The following CCSER1 variants were observed in gnomAD, a reference collection of about 807,000 sequenced individuals.
CCSER1 encodes the protein coiled-coil serine rich protein 1, also known as serine-rich coiled-coil domain-containing protein 1.
Under a neutral mutation model 82.0 loss-of-function variants are expected in CCSER1, and 41 were observed. The ratio of observed to expected loss-of-function variants is 0.50; its 90% CI spans 0.39 to 0.65. The LOEUF (loss-of-function observed/expected upper bound fraction) is 0.65, where lower values mean the gene tolerates loss of function less well. CCSER1 is among the 30% of genes least tolerant of loss of function. The pLI, the probability that CCSER1 is intolerant of heterozygous loss-of-function variation, is 0.00. For synonymous variants in CCSER1, 414 were observed against 383.9 expected (o/e 1.08, Z -0.92); for missense variants, 1,119 against 1,064.2 (o/e 1.05, Z -0.72).
At chr4:90,887,114 G>T (rs183290518) in intron 8 of CCSER1, among the ~76,000 whole-genome samples, 1 of 152,060 alleles carries the variant, frequency 6.6e-6, no homozygotes, top group Non-Finnish European at 1.5e-5. Flanking sequence ...TTAGGCATCA[G>T]GTTTCTGGTT....
At chr4:90,781,800 C>G (rs1484195512) in intron 7 of CCSER1, 3 of 959,818 alleles carry the variant, frequency 3.1e-6, no homozygotes, top group Non-Finnish European at 3.7e-6. Context: ...TTTTTGATAA[C>G]TTTTATGTTT....
intron 9 of CCSER1, among the ~76,000 whole-genome samples, chr4:90,976,598 A>C (rs1371295654): frequency 6.6e-6 from 1 of 151,450 alleles, no homozygotes; most frequent in Non-Finnish European, 1.5e-5. Flanking sequence ...GATTAAAATG[A>C]TAATTGTAAC....
At chr4:90,965,311 T>A (rs1279255667) in intron 9 of CCSER1, among the ~76,000 whole-genome samples, 1 of 152,042 alleles carries the variant, frequency 6.6e-6, no homozygotes, top group Non-Finnish European at 1.5e-5. Flanking sequence ...CTCTGGAACC[T>A]AGAAAGCCAC....
chr4:90,808,306 G>A (rs1168502503), intron 7 of CCSER1, among the ~76,000 whole-genome samples: 1 of 151,956 alleles, frequency 6.6e-6, no homozygotes, highest in Non-Finnish European at 1.5e-5. Context: ...AAACCTAAGA[G>A]AAACGATTCT....
At chr4:90,293,812 C>T (rs1233752230) in intron 1 of CCSER1, among the ~76,000 whole-genome samples, 1 of 151,712 alleles carries the variant, frequency 6.6e-6, no homozygotes, top group Non-Finnish European at 1.5e-5. Flanking sequence ...TATAAACTGA[C>T]AAACTAGCTT....
At chr4:90,293,801 A>G (rs917137599) in intron 1 of CCSER1, among the ~76,000 whole-genome samples, 1 of 151,924 alleles carries the variant, frequency 6.6e-6, no homozygotes, top group South Asian at 2.1e-4. Flanking sequence ...AATAAGTAAA[A>G]TATAAACTGA....
At chr4:90,962,540 G>A (rs1035504829) in intron 9 of CCSER1, among the ~76,000 whole-genome samples, 2 of 152,044 alleles carry the variant, frequency 1.3e-5, no homozygotes, top group Non-Finnish European at 2.9e-5. Context: ...CTGTAAACTT[G>A]CTTCTCAGAA....
chr4:90,621,858 G>T (rs542514827), intron 5 of CCSER1, among the ~76,000 whole-genome samples: 1 of 152,316 alleles, frequency 6.6e-6, no homozygotes, highest in Non-Finnish European at 1.5e-5. Context: ...GTCTGTGGCA[G>T]ATCTTCTCCT....
intron 8 of CCSER1, among the ~76,000 whole-genome samples, chr4:90,866,999 T>G (rs886479700): frequency 3.9e-5 from 6 of 152,050 alleles, no homozygotes; most frequent in Admixed American, 2.0e-4. Context: ...GCCCAGTTCC[T>G]TATAGGCCAC....
chr4:91,559,363 C>T (rs1295937824), intron 10 of CCSER1, among the ~76,000 whole-genome samples: 1 of 151,610 alleles, frequency 6.6e-6, no homozygotes, highest in Non-Finnish European at 1.5e-5. Flanking sequence ...ATTGGCTCCA[C>T]ACCTTCAGCT....
At chr4:90,726,180 A>C (rs544814516) in intron 7 of CCSER1, among the ~76,000 whole-genome samples, 46 of 152,134 alleles carry the variant, frequency 3.0e-4, no homozygotes, top group African/African-American at 1.0e-3. Flanking sequence ...GGAAGCACTC[A>C]GAACAGTTGG....
At chr4:90,554,512 A>G (rs1050996981) in intron 5 of CCSER1, among the ~76,000 whole-genome samples, 2 of 152,260 alleles carry the variant, frequency 1.3e-5, no homozygotes, top group African/African-American at 4.8e-5. Flanking sequence ...AGGAGTATCA[A>G]TTATATATGA....
intron 5 of CCSER1, among the ~76,000 whole-genome samples, chr4:90,570,599 G>A (rs1000237861): frequency 6.6e-6 from 1 of 152,118 alleles, no homozygotes; most frequent in South Asian, 2.1e-4. Flanking sequence ...CTAAGAGAGG[G>A]GGTGAATGCA....
At chr4:90,534,205 C>T (rs1774982962) in intron 5 of CCSER1, among the ~76,000 whole-genome samples, 1 of 152,332 alleles carries the variant, frequency 6.6e-6, no homozygotes, top group African/African-American at 2.4e-5. Context: ...TCTCGGCTCA[C>T]TGCAAGCTCT....
intron 5 of CCSER1, among the ~76,000 whole-genome samples, chr4:90,620,750 A>T (rs1250951062): frequency 6.6e-6 from 1 of 152,200 alleles, no homozygotes; most frequent in East Asian, 1.9e-4. Flanking sequence ...TCTAACAAGA[A>T]GAGGTAGGGA....
chr4:91,564,457 G>C (rs1762793104), intron 10 of CCSER1, among the ~76,000 whole-genome samples: 1 of 151,990 alleles, frequency 6.6e-6, no homozygotes. Context: ...TTAGCTCTTT[G>C]AGGAATTACC....
At chr4:90,184,847 A>G (rs1734326531) in intron 1 of CCSER1, among the ~76,000 whole-genome samples, 1 of 152,022 alleles carries the variant, frequency 6.6e-6, no homozygotes, top group South Asian at 2.1e-4. Flanking sequence ...ACCTAAAGGA[A>G]TAGTGTGCTT....
chr4:91,093,373 G>A (rs754954229), intron 10 of CCSER1, among the ~76,000 whole-genome samples: 1 of 152,258 alleles, frequency 6.6e-6, no homozygotes, highest in Non-Finnish European at 1.5e-5. Flanking sequence ...CTGGGAGTAA[G>A]GTTGCAGGAT....
chr4:91,531,648 C>T (rs1232238143), intron 10 of CCSER1, among the ~76,000 whole-genome samples: 1 of 152,146 alleles, frequency 6.6e-6, no homozygotes, highest in Non-Finnish European at 1.5e-5. Context: ...ATTCATTGCT[C>T]ACAGTTCTGG....
Sources: gnomAD v4.1 joint callset for allele counts (sites outside exome capture counted in the v4.1 genomes callset) on GRCh38, gnomAD v4.1.1 for gene constraint, MANE v1.5 for transcripts, NCBI Gene and HGNC (gene_info 2026-07-23, HGNC 2026-07-21) for gene names.